FMNL3: variants seen among roughly 807,000 people sequenced by gnomAD.
FMNL3 encodes formin like 3.
Under a neutral mutation model 119.6 loss-of-function variants are expected in FMNL3, and 57 were observed. The observed-to-expected ratio is 0.48, with a 90% CI of 0.39 to 0.59. The LOEUF (loss-of-function observed/expected upper bound fraction) is 0.59, where lower values mean the gene tolerates loss of function less well. Among genes scored for constraint, FMNL3 ranks in the 20% least tolerant of loss-of-function variants. FMNL3 has a pLI of 0.00. For synonymous variants in FMNL3, 491 were observed against 507.3 expected (o/e 0.97, Z 0.43); for missense variants, 1,053 against 1,323.5 (o/e 0.80, Z 3.17).
intron 1 of FMNL3, among the ~76,000 whole-genome samples, chr12:49,679,101 G>T (rs1443822824): frequency 1.3e-5 from 2 of 152,102 alleles, no homozygotes; most frequent in African/African-American, 4.8e-5. Context: ...CACTCTATAT[G>T]AATTATCTCA....
rs148704115 is a variant in FMNL3, at chr12:49,636,939, G to A, written c.*8876C>T. On this transcript the variant is annotated 3_prime_UTR_variant, in exon 26 of 26. Transcript: ENST00000335154. ...TTCCCTGCCCCCTTCTGGATACGCT[G>A]CCTGTTCTTTCTGTGCCTAGCCCTG... 232 of 1,581,130 alleles carry A rather than the reference G, an allele frequency of 1.5e-4. 2 individuals carry two copies. The Admixed American group carries it at 2.0e-3, about 14-fold the overall frequency.
intron 2 of FMNL3, 104 bp downstream of exon 2, chr12:49,668,367 G>A (rs2138864347): frequency 9.8e-7 from 1 of 1,018,630 alleles, no homozygotes; most frequent in Non-Finnish European, 1.5e-6. Context: ...TTAGGCCAGG[G>A]TTCCTCAAGG....
At chr12:49,652,833 AG>A (rs1174713890) in intron 13 of FMNL3, among the ~76,000 whole-genome samples, 5 of 152,236 alleles carry the variant, frequency 3.3e-5, no homozygotes, top group Admixed American at 1.3e-4. Context: ...CTGCCAATTT[AG>A]GATACCTGGT....
Position 49,638,411 on chromosome 12 carries a change from A to C in FMNL3, c.*7404T>G, listed in dbSNP as rs531166981. ...TTCTGCAGACTCAAGCTGAGATGCC[A>C]CTTTAGAAAGGGCAAGTCATCCTTC... On this transcript the variant is annotated 3_prime_UTR_variant, in exon 26 of 26. Transcript: ENST00000335154. 6.6e-6 allele frequency: 1 copy of C among 152,472 alleles called. No homozygotes were observed. The highest frequency in any genetic ancestry group is 1.9e-4 in the East Asian group (1 of 5,190). The allele number at this position is 152,472 out of a possible 1,614,324, so 9.4% of individuals were successfully genotyped here. A position where few individuals can be genotyped will look rare whatever the true frequency, so the allele number is the denominator to read the frequency against.
At chr12:49,656,941 G>T (rs1404942592) in intron 7 of FMNL3, 42 bp from the exon 8 acceptor site, 3 of 1,574,074 alleles carry the variant, frequency 1.9e-6, no homozygotes, top group Non-Finnish European at 2.6e-6. Flanking sequence ...TGATGGTGGG[G>T]AAGGGGGAGC....
chr12:49,644,584 C>G lies in FMNL3; in HGVS notation c.*1231G>C, dbSNP rs532071182. Reference sequence around the variant, plus strand: ...GCTCCTGCCTGCCCTGGCCCTGAGGCTCCACCACTTCTTCCTCCACCCAGG... The same window carrying G: ...GCTCCTGCCTGCCCTGGCCCTGAGGGTCCACCACTTCTTCCTCCACCCAGG... On this transcript the variant is annotated 3_prime_UTR_variant, in exon 26 of 26. Transcript: ENST00000335154. 11 of 238,704 alleles carry G rather than the reference C, an allele frequency of 4.6e-5. No homozygotes were observed. Among genetic ancestry groups the G allele is most frequent in the Admixed American group, 3.5e-4 (7 of 20,262 alleles). The allele number at this position is 238,704 out of a possible 1,614,324, so 14.8% of individuals were successfully genotyped here.
intron 1 of FMNL3, among the ~76,000 whole-genome samples, chr12:49,673,701 G>T (rs1565884582): frequency 1.3e-5 from 2 of 152,274 alleles, no homozygotes; most frequent in Non-Finnish European, 2.9e-5. Flanking sequence ...TTTTCAGCCA[G>T]CACTTTAACA....
At chr12:49,667,705 C>T (rs1054256202) in intron 2 of FMNL3, among the ~76,000 whole-genome samples, 12 of 152,136 alleles carry the variant, frequency 7.9e-5, no homozygotes, top group African/African-American at 2.9e-4. Context: ...ATAACAAGCA[C>T]TCAATAAATG....
intron 1 of FMNL3, among the ~76,000 whole-genome samples, chr12:49,672,304 G>A (rs1203033144): frequency 6.6e-6 from 1 of 152,164 alleles, no homozygotes; most frequent in Non-Finnish European, 1.5e-5. Flanking sequence ...GGGGGACATG[G>A]CAGGAGACTC....
rs1224956380 is a variant in FMNL3 at position 49,652,042 on chromosome 12, C to A, written c.1494G>T (p.Met498Ile). 1 of 1,610,322 alleles carries A rather than the reference C, an allele frequency of 6.2e-7. No individual in the cohort carries two copies. The highest frequency in any genetic ancestry group is 1.3e-5 in the African/African-American group (1 of 74,998). The change falls in exon 14 of 26, where the codon ATG (methionine) becomes ATT (isoleucine). Residue 498 changes from methionine (M) to isoleucine (I), a missense_variant. Around this residue, in one of 4 missense-constraint regions of FMNL3, gnomAD observed 445 missense variants for 628.4 expected, o/e 0.71. Coordinates refer to ENST00000335154, the MANE Select transcript of FMNL3 (RefSeq NM_175736.5). ...CCAGAAGGTCCAGGTCGGAGGGTGGCATGCCCTCACTCAGCTCTGCAGGGC... is the reference window on the plus strand; with the variant it reads ...CCAGAAGGTCCAGGTCGGAGGGTGGAATGCCCTCACTCAGCTCTGCAGGGC... Reference protein sequence around the residue: ...RVGPAELSEGMPPSDLDLLAP... With the variant: ...RVGPAELSEGIPPSDLDLLAP...
intron 1 of FMNL3, among the ~76,000 whole-genome samples, chr12:49,676,791 T>C (rs1034779246): frequency 2.6e-5 from 4 of 152,314 alleles, no homozygotes; most frequent in South Asian, 2.1e-4. Flanking sequence ...TTATGTCCTA[T>C]AGCACAAATC....
rs796339341 is a variant in FMNL3, at chr12:49,653,214, G to T, written c.1323+12C>A. ...GATCAGTCAGGGACTGCCTTCCCCA[G>T]AGTACTTGTACCTTGATGCTCTCTA... On this transcript the variant is annotated intron_variant, in intron 13 of 25. Coordinates refer to ENST00000335154, the MANE Select transcript of FMNL3 (RefSeq NM_175736.5). 4 of 1,612,956 alleles carry T rather than the reference G, an allele frequency of 2.5e-6. No homozygotes were observed. In the South Asian group the frequency reaches 4.4e-5, roughly 18 times the overall value.
chr12:49,642,104 G>C lies in FMNL3; in HGVS notation c.*3711C>G. 1 of 1,603,816 alleles carries C rather than the reference G, an allele frequency of 6.2e-7. No individual in the cohort carries two copies. The highest frequency in any genetic ancestry group is 1.7e-4 in the Middle Eastern group (1 of 6,036). ...ATTCCTTCTCACTCACTGTCCCACT[G>C]ACTATATTCCCAATTCAGGGGATGG... On this transcript the variant is annotated 3_prime_UTR_variant, in exon 26 of 26. Coordinates refer to ENST00000335154, the MANE Select transcript of FMNL3 (RefSeq NM_175736.5). This position sits in a 1 kb window ranked among gnomAD's most constrained non-coding sequence, Gnocchi z 5.8.
chr12:49,698,470 G>C (rs558815272), intron 1 of FMNL3, among the ~76,000 whole-genome samples: 1 of 151,190 alleles, frequency 6.6e-6, no homozygotes, highest in East Asian at 1.9e-4. Flanking sequence ...TATAAACTAA[G>C]AAGAGTATGC....
In FMNL3 at chr12:49,650,927, G is replaced by T. The variant is rs760210057; in HGVS notation, c.1798-49C>A. 7.5e-6 allele frequency: 12 copies of T among 1,602,568 alleles called. No individual in the cohort carries two copies. The African/African-American group carries it at 1.5e-4, about 20-fold the overall frequency. On this transcript the variant is annotated intron_variant, in intron 16 of 25. Coordinates refer to ENST00000335154, the MANE Select transcript of FMNL3 (RefSeq NM_175736.5). ...AAAACGCTGTAGCCTCATACTAGTG[G>T]AGGACCTCATGACAGCCCACCCAGC... is the stretch of plus-strand genomic sequence containing the variant.
chr12:49,660,788 T>C (rs1001316986), intron 5 of FMNL3, among the ~76,000 whole-genome samples: 1 of 152,176 alleles, frequency 6.6e-6, no homozygotes, highest in African/African-American at 2.4e-5. Context: ...TGAAACCCCG[T>C]CCCTACTAAA....
At position 49,644,471 on chromosome 12, in the gene FMNL3, A is replaced by G. The variant is rs530361468; in HGVS notation, c.*1344T>C. ...TGATGCCAGTAGATAAAAGTGTGAGAGAAGGGGTCTCCAGGGAAGAGTCAC... is the reference window on the plus strand; with the variant it reads ...TGATGCCAGTAGATAAAAGTGTGAGGGAAGGGGTCTCCAGGGAAGAGTCAC... On this transcript the variant is annotated 3_prime_UTR_variant, in exon 26 of 26. Transcript: ENST00000335154. 8.1e-5 allele frequency: 36 copies of G among 445,846 alleles called. No individual in the cohort carries two copies. Among genetic ancestry groups the G allele is most frequent in the Admixed American group, 4.1e-4 (12 of 29,012 alleles). The allele number at this position is 445,846 out of a possible 1,614,324, so 27.6% of individuals were successfully genotyped here.
At chr12:49,679,621 G>C (rs978681257) in intron 1 of FMNL3, among the ~76,000 whole-genome samples, 5 of 149,888 alleles carry the variant, frequency 3.3e-5, no homozygotes, top group Admixed American at 3.3e-4. Flanking sequence ...CGACCTCTTG[G>C]GCTCAGGTGA....
In FMNL3 at chr12:49,665,826, A is replaced by G; in HGVS notation, c.368+6T>C. The G allele has an allele frequency of 6.2e-7, 1 of 1,614,106 alleles. No homozygotes were observed. On this transcript the variant is annotated splice_donor_region_variant and intron_variant, in intron 4 of 25. Coordinates refer to ENST00000335154, the MANE Select transcript of FMNL3 (RefSeq NM_175736.5). ...ATGAAGAGGCTATACGGCCAATCCA[A>G]CTCACCCAATGTGGTTGGTGCGAAG...
Sources: allele counts gnomAD v4.1 joint callset (sites outside exome capture counted in the v4.1 genomes callset), GRCh38; gene constraint gnomAD v4.1.1; regional missense constraint gnomAD v4.1.1; non-coding constraint Gnocchi (gnomAD v3.1); transcripts MANE v1.5; gene names NCBI Gene and HGNC (gene_info 2026-07-23, HGNC 2026-07-21).